Variants in PRKG1 observed in about 807,000 individuals in gnomAD.
The protein encoded by PRKG1 is cGMP-dependent protein kinase 1.
A neutral mutation model predicts 88.1 loss-of-function variants in PRKG1; 35 were observed. The ratio of observed to expected loss-of-function variants is 0.40; its 90% CI spans 0.30 to 0.53. The LOEUF (loss-of-function observed/expected upper bound fraction) is 0.53. PRKG1 is among the 20% of genes least tolerant of loss of function. The pLI is 0.59. For missense variants in PRKG1, 540 were observed against 839.8 expected (o/e 0.64, Z 4.41); for synonymous variants, 303 against 292.5 (o/e 1.04, Z -0.37).
intron 3 of PRKG1, among the ~76,000 whole-genome samples, chr10:51,525,555 G>A (rs577555341): frequency 6.6e-5 from 10 of 152,096 alleles, no homozygotes; most frequent in East Asian, 1.9e-4. Flanking sequence ...AAAATTAGCC[G>A]GGTGTGGTGG....
chr10:51,023,042 T>C (rs1246876760), intron 1 of PRKG1, among the ~76,000 whole-genome samples: 2 of 152,148 alleles, frequency 1.3e-5, no homozygotes, highest in Admixed American at 6.6e-5. Flanking sequence ...ATCCACAGCA[T>C]GCAATCAGAT....
chr10:52,181,074 G>A (rs1839012209), intron 9 of PRKG1, among the ~76,000 whole-genome samples: 1 of 152,178 alleles, frequency 6.6e-6, no homozygotes, highest in African/African-American at 2.4e-5. Context: ...TTCAGACTTG[G>A]GATGTGGGTG....
chr10:52,083,256 T>G (rs1009594448), intron 7 of PRKG1, among the ~76,000 whole-genome samples: 12 of 152,112 alleles, frequency 7.9e-5, no homozygotes, highest in African/African-American at 2.9e-4. Flanking sequence ...TTGCATAATT[T>G]TACTGTTAGA....
intron 7 of PRKG1, chr10:52,062,850 G>T (rs1047976676): frequency 1.8e-5 from 13 of 709,392 alleles, no homozygotes; most frequent in Non-Finnish European, 3.4e-5. Flanking sequence ...ATAAATCAGT[G>T]TTATATTAAT....
At position 51,974,721 on chromosome 10, in the gene PRKG1, A is replaced by G. The variant is rs569696962; in HGVS notation, c.762+67151A>G. ...CTCCAGAAATTTTTCTGACTTCCGC[A>G]TTTGCATAATGCATATCATTTTCTG... On this transcript the variant is annotated intron_variant, in intron 5 of 17. Transcript: ENST00000373980. Among the ~76,000 whole-genome samples, 8 of 152,202 alleles carry G rather than the reference A, an allele frequency of 5.3e-5. No individual in the cohort carries two copies. The South Asian group carries it at 1.7e-3, about 32-fold the overall frequency.
In PRKG1 at chr10:51,383,789, T is replaced by C. The variant is rs575088073; in HGVS notation, c.479-83934T>C. ...GCTTGCCTCTACGTGAAACAGCCCT[T>C]CTGCTTTCTCTGTGCTGATGAATCT... On this transcript the variant is annotated intron_variant, in intron 2 of 17. Coordinates refer to ENST00000373980, the MANE Select transcript of PRKG1 (RefSeq NM_006258.4). Among the ~76,000 whole-genome samples, 3 of 152,316 alleles carry C rather than the reference T, an allele frequency of 2.0e-5. No individual in the cohort carries two copies. The South Asian group carries it at 6.2e-4, about 32-fold the overall frequency.
At chr10:51,729,466 T>C (rs912811770) in intron 3 of PRKG1, among the ~76,000 whole-genome samples, 3 of 151,890 alleles carry the variant, frequency 2.0e-5, no homozygotes, top group Non-Finnish European at 4.4e-5. Flanking sequence ...ACACCTATAA[T>C]CCCAGCACTT....
intron 1 of PRKG1, among the ~76,000 whole-genome samples, chr10:51,006,977 C>T (rs1842948017): frequency 7.5e-6 from 1 of 133,564 alleles, no homozygotes; most frequent in East Asian, 2.2e-4. Context: ...CTTGTTTTGT[C>T]ACCCAGGCTG....
intron 3 of PRKG1, among the ~76,000 whole-genome samples, chr10:51,617,517 C>G (rs1839091804): frequency 6.6e-6 from 1 of 152,078 alleles, no homozygotes; most frequent in Non-Finnish European, 1.5e-5. Context: ...CAGCCATCGC[C>G]AACACCAGCA....
intron 3 of PRKG1, among the ~76,000 whole-genome samples, chr10:51,624,105 G>A (rs988499162): frequency 6.6e-6 from 1 of 152,028 alleles, no homozygotes; most frequent in Non-Finnish European, 1.5e-5. Context: ...TTTAAGCCAG[G>A]CCTTTGATTC....
intron 2 of PRKG1, among the ~76,000 whole-genome samples, chr10:51,356,436 T>C (rs985914206): frequency 2.0e-5 from 3 of 151,990 alleles, no homozygotes; most frequent in Admixed American, 2.0e-4. Context: ...GAAAGGCTAT[T>C]TGTAAACAGA....
intron 5 of PRKG1, among the ~76,000 whole-genome samples, chr10:52,045,805 A>G (rs1488725518): frequency 2.0e-5 from 3 of 152,034 alleles, no homozygotes; most frequent in Non-Finnish European, 4.4e-5. Context: ...ATGGAGGGAC[A>G]CACTTCATTG....
In PRKG1 at chr10:52,008,278, A is replaced by G. The variant is rs148434903; in HGVS notation, c.763-46206A>G. Among the ~76,000 whole-genome samples, 1,290 of 152,296 alleles carry G rather than the reference A, an allele frequency of 8.5e-3. 26 individuals carry two copies. Among genetic ancestry groups the G allele is most frequent in the African/African-American group, 0.03 (1,230 of 41,564 alleles). ...CAGAAGACAAGAAATAATCAAAATCAGAGCTGAACTGAAGGAAATTGAAAC... is the reference window on the plus strand; with the variant it reads ...CAGAAGACAAGAAATAATCAAAATCGGAGCTGAACTGAAGGAAATTGAAAC... On this transcript the variant is annotated intron_variant, in intron 5 of 17. Coordinates refer to ENST00000373980, the MANE Select transcript of PRKG1 (RefSeq NM_006258.4).
At chr10:51,511,188 C>T (rs552258824) in intron 3 of PRKG1, among the ~76,000 whole-genome samples, 1 of 152,250 alleles carries the variant, frequency 6.6e-6, no homozygotes, top group African/African-American at 2.4e-5. Flanking sequence ...ACATTTACGA[C>T]ATTCACTCTT....
chr10:51,633,698 A>G (rs900735609), intron 3 of PRKG1, among the ~76,000 whole-genome samples: 2 of 152,158 alleles, frequency 1.3e-5, no homozygotes, highest in African/African-American at 2.4e-5. Context: ...GATGGTTATC[A>G]TTTGGGGAGT....
In PRKG1 at chr10:51,324,690, G is replaced by A. The variant is rs1280985932; in HGVS notation, c.479-143033G>A. Among the ~76,000 whole-genome samples, 3 of 152,184 alleles carry A rather than the reference G, an allele frequency of 2.0e-5. 1 individual carries two copies. Among genetic ancestry groups the A allele is most frequent in the Middle Eastern group, 6.9e-3 (2 of 290 alleles). On this transcript the variant is annotated intron_variant, in intron 2 of 17. Coordinates refer to ENST00000373980, the MANE Select transcript of PRKG1 (RefSeq NM_006258.4). ...TGGGAGGCGGAGCTTGCAGTGAGCC[G>A]AGATCGCGCCACTGCACTCCAGCCT...
intron 4 of PRKG1, among the ~76,000 whole-genome samples, chr10:51,808,981 C>T (rs1481881212): frequency 6.6e-6 from 1 of 152,124 alleles, no homozygotes; most frequent in African/African-American, 2.4e-5. Context: ...CTTATGGTGC[C>T]ACTGTTTCTT....
At chr10:51,791,992 A>G (rs1404790049) in intron 3 of PRKG1, among the ~76,000 whole-genome samples, 1 of 152,138 alleles carries the variant, frequency 6.6e-6, no homozygotes, top group Non-Finnish European at 1.5e-5. Context: ...AATTAAATGT[A>G]AAGATGAATA....
At chr10:51,549,554 A>G (rs1411441099) in intron 3 of PRKG1, among the ~76,000 whole-genome samples, 1 of 152,122 alleles carries the variant, frequency 6.6e-6, no homozygotes, top group East Asian at 1.9e-4. Flanking sequence ...GCCTTCAAGG[A>G]AAAAATGGTA....
Sources: gnomAD v4.1 joint callset for allele counts (sites outside exome capture counted in the v4.1 genomes callset) on GRCh38, gnomAD v4.1.1 for gene constraint, MANE v1.5 for transcripts, NCBI Gene and HGNC (gene_info 2026-07-23, HGNC 2026-07-21) for gene names.